The following THTPA variants were observed in gnomAD, a reference collection of about 807,000 sequenced individuals.
THTPA encodes the protein thiamine-triphosphatase.
THTPA carries 16 observed loss-of-function variants against 16.5 expected under a neutral mutation model. The observed-to-expected ratio is 0.97, with a 90% confidence interval of 0.66 to 1.47. The LOEUF (loss-of-function observed/expected upper bound fraction) is 1.47, where lower values mean the gene tolerates loss of function less well. Ranked by LOEUF, THTPA falls within the 40% of genes most tolerant of loss-of-function variation. The probability of loss-of-function intolerance (pLI) is 0.00; values close to 1 mark genes in which losing one functional copy is unlikely to be tolerated. For missense variants in THTPA, 281 were observed against 280.9 expected (o/e 1.00, Z 0.00); for synonymous variants, 110 against 115.5 (o/e 0.95, Z 0.30).
the THTPA span, chr14:23,525,116 G>A: frequency 6.5e-7 from 1 of 1,536,178 alleles, no homozygotes; most frequent in South Asian, 1.2e-5. This position sits in a 1 kb window ranked among gnomAD's most constrained non-coding sequence, Gnocchi z 5.9. Flanking sequence ...AGACTGCAGG[G>A]CTTGGGTCTG....
At chr14:23,526,348 C>T in the THTPA span, 2 of 1,536,322 alleles carry the variant, frequency 1.3e-6, no homozygotes, top group African/African-American at 1.4e-5. Flanking sequence ...GGGTGAAGGA[C>T]TCCTTACACA....
the THTPA span, among the ~76,000 whole-genome samples, chr14:23,546,955 CCT>C: frequency 6.6e-6 from 1 of 152,196 alleles, no homozygotes; most frequent in East Asian, 1.9e-4. The surrounding 1 kb of genome is among the most constrained non-coding windows in gnomAD (Gnocchi z 4.7). Flanking sequence ...AGCTCTCTCC[CCT>C]GTCTTCTTTT....
chr14:23,526,545 G>A, the THTPA span: 2 of 1,535,906 alleles, frequency 1.3e-6, no homozygotes, highest in Admixed American at 3.9e-5. Flanking sequence ...TGGGCATCAG[G>A]TTCAGGGACT....
the THTPA span, chr14:23,524,893 A>G: frequency 1.3e-6 from 2 of 1,536,402 alleles, no homozygotes; most frequent in Non-Finnish European, 1.7e-6. The surrounding 1 kb of genome is among the most constrained non-coding windows in gnomAD (Gnocchi z 5.6). Flanking sequence ...GCACCAACTC[A>G]AAAACACAGG....
At position 23,559,198 on chromosome 14, in the gene THTPA, C is replaced by A; in HGVS notation, c.*358C>A. 1 of 250,800 alleles carries A rather than the reference C, an allele frequency of 4.0e-6. No homozygotes were observed. The highest frequency in any genetic ancestry group is 9.9e-5 in the East Asian group (1 of 10,136). The allele number at this position is 250,800 out of a possible 1,614,324, so 15.5% of individuals were successfully genotyped here. A position where few individuals can be genotyped will look rare whatever the true frequency, so the allele number is the denominator to read the frequency against. The stretch of plus-strand genomic sequence containing the variant: ...ATGCCATTGATTCTGCCAGCGGCTC[C>A]TAAACCGCCTTACAGCTGAGTTAGA... On this transcript the variant is annotated 3_prime_UTR_variant, in exon 2 of 2. Coordinates refer to ENST00000288014, the MANE Select transcript of THTPA (RefSeq NM_024328.6).
chr14:23,525,813 T>G, the THTPA span: 2 of 1,465,006 alleles, frequency 1.4e-6, no homozygotes, highest in Non-Finnish European at 1.8e-6. The surrounding 1 kb of genome is among the most constrained non-coding windows in gnomAD (Gnocchi z 5.9). Flanking sequence ...AGTGTCAGCT[T>G]GGGCCCCACC....
upstream of THTPA, among the ~76,000 whole-genome samples, chr14:23,555,014 G>A (rs769994334): frequency 6.6e-6 from 1 of 152,130 alleles, no homozygotes; most frequent in Non-Finnish European, 1.5e-5. Context: ...GACAGATGGA[G>A]TCTCGTTCTG....
the THTPA span, among the ~76,000 whole-genome samples, chr14:23,515,385 T>G: frequency 3.0e-3 from 463 of 152,218 alleles, 2 homozygotes; most frequent in African/African-American, 0.011. Context: ...GGTAGACAGG[T>G]GTTAGGAAGA....
At chr14:23,523,872 T>C in the THTPA span, 3 of 1,536,186 alleles carry the variant, frequency 2.0e-6, no homozygotes, top group South Asian at 1.2e-5. This position sits in a 1 kb window ranked among gnomAD's most constrained non-coding sequence, Gnocchi z 4.1. Context: ...GCAGAGAGAC[T>C]GCAAGCCTCA....
At chr14:23,539,009 CCAAGGGA>C in the THTPA span, among the ~76,000 whole-genome samples, 1 of 152,010 alleles carries the variant, frequency 6.6e-6, no homozygotes, top group Non-Finnish European at 1.5e-5. Flanking sequence ...AGGCCTGGAG[CCAAGGGA>C]GGGCGGAGAG....
upstream of THTPA, among the ~76,000 whole-genome samples, chr14:23,554,897 C>A (rs1002668583): frequency 1.4e-4 from 21 of 152,182 alleles, no homozygotes; most frequent in Admixed American, 3.3e-4. Context: ...CTCCAGATAA[C>A]CATAGTCCTC....
chr14:23,530,564 C>A, the THTPA span: 1 of 442,598 alleles, frequency 2.3e-6, no homozygotes. Flanking sequence ...GAAGCCTTGG[C>A]TGAATGGAAG....
At chr14:23,538,859 G>A in the THTPA span, among the ~76,000 whole-genome samples, 1 of 152,150 alleles carries the variant, frequency 6.6e-6, no homozygotes, top group South Asian at 2.1e-4. Context: ...CAGTGGCGGT[G>A]CTGTGATTAG....
upstream of THTPA, chr14:23,551,323 T>C (rs1881930483): frequency 6.6e-6 from 1 of 152,248 alleles, no homozygotes; most frequent in South Asian, 2.1e-4. The surrounding 1 kb of genome is among the most constrained non-coding windows in gnomAD (Gnocchi z 5.3). Flanking sequence ...CCCAGCAGCA[T>C]CGGAAATCGA....
chr14:23,532,887 C>T, the THTPA span: 1 of 1,536,220 alleles, frequency 6.5e-7, no homozygotes, highest in Non-Finnish European at 8.7e-7. Context: ...CATTCAGCTT[C>T]CGGGAGGCTC....
chr14:23,532,897 C>G, the THTPA span: 1 of 1,536,228 alleles, frequency 6.5e-7, no homozygotes, highest in Non-Finnish European at 8.7e-7. Context: ...CCGGGAGGCT[C>G]CGGCCTATGC....
Position 23,556,839 on chromosome 14 carries a change from A to T in THTPA, c.82A>T (p.Thr28Ser). 1 of 1,612,860 alleles carries T rather than the reference A, an allele frequency of 6.2e-7. No homozygotes were observed. ...GGAGCGGCTGCAGGAGTTGGGGGGCACCCTGGAGTACCGGGTCACCTTCCG... is the reference window on the plus strand; with the variant it reads ...GGAGCGGCTGCAGGAGTTGGGGGGCTCCCTGGAGTACCGGGTCACCTTCCG... ...TEERLQELGG[T>S]LEYRVTFRDT... The change falls in exon 1 of 2, where the codon ACC (threonine) becomes TCC (serine). Residue 28 changes from threonine (T) to serine (S), a missense_variant. Transcript: ENST00000288014.
At chr14:23,523,231 CG>C in the THTPA span, 10 of 1,431,500 alleles carry the variant, frequency 7.0e-6, no homozygotes, top group Non-Finnish European at 9.1e-6. The surrounding 1 kb of genome is among the most constrained non-coding windows in gnomAD (Gnocchi z 4.1). Flanking sequence ...AGTTGCCCAG[CG>C]GGGGCTGAGC....
chr14:23,533,476 G>T, the THTPA span: 37 of 1,535,468 alleles, frequency 2.4e-5, no homozygotes, highest in Non-Finnish European at 3.2e-5. The surrounding 1 kb of genome is among the most constrained non-coding windows in gnomAD (Gnocchi z 4.8). Flanking sequence ...TGGGGGAGGA[G>T]GGCCTGGCCC....
Sources: allele counts gnomAD v4.1 joint callset (sites outside exome capture counted in the v4.1 genomes callset), GRCh38; gene constraint gnomAD v4.1.1; non-coding constraint Gnocchi (gnomAD v3.1); transcripts MANE v1.5; gene names NCBI Gene and HGNC (gene_info 2026-07-23, HGNC 2026-07-21).